KMO: variants seen among roughly 807,000 people sequenced by gnomAD.
KMO encodes kynurenine 3-hydroxylase.
In KMO, 24 loss-of-function variants were observed where a neutral mutation model predicts 57.8. The observed-to-expected ratio is 0.42, with a 90% confidence interval of 0.30 to 0.58. The LOEUF (loss-of-function observed/expected upper bound fraction) is 0.58, where lower values mean the gene tolerates loss of function less well. KMO is among the 20% of genes least tolerant of loss of function. KMO has a pLI of 0.22. For synonymous variants in KMO, 210 were observed against 193.6 expected, an observed-to-expected ratio of 1.08 and a Z score of -0.70; for missense variants, 483 against 588.2, an observed-to-expected ratio of 0.82 and a Z score of 1.85.
intron 4 of KMO, among the ~76,000 whole-genome samples, chr1:241,553,676 G>C (rs1179612678): frequency 6.6e-6 from 1 of 152,116 alleles, no homozygotes; most frequent in Non-Finnish European, 1.5e-5. Context: ...GGAACAGCAA[G>C]ACCCTGTCTC....
intron 10 of KMO, among the ~76,000 whole-genome samples, chr1:241,585,545 G>A (rs1033651307): frequency 6.6e-6 from 1 of 152,014 alleles, no homozygotes; most frequent in Non-Finnish European, 1.5e-5. Context: ...ATCACTTGAG[G>A]TCAAGAGTTT....
chr1:241,539,569 G>A (rs952826397), intron 1 of KMO, among the ~76,000 whole-genome samples: 9 of 152,190 alleles, frequency 5.9e-5, no homozygotes, highest in South Asian at 2.1e-4. Flanking sequence ...CTTCTGAAAT[G>A]ATATTGCCCC....
chr1:241,551,624 G>A (rs955829611), intron 4 of KMO, among the ~76,000 whole-genome samples: 1 of 152,220 alleles, frequency 6.6e-6, no homozygotes, highest in Non-Finnish European at 1.5e-5. Context: ...GGGGAAATAT[G>A]TATTTGTATT....
intron 1 of KMO, among the ~76,000 whole-genome samples, chr1:241,538,212 G>A (rs780091716): frequency 6.6e-6 from 1 of 152,016 alleles, no homozygotes; most frequent in Non-Finnish European, 1.5e-5. Flanking sequence ...TGGCCTTCTG[G>A]TATCAGAAAG....
At chr1:241,566,673 G>T in intron 9 of KMO, 61 bp downstream of exon 9, 1 of 1,573,350 alleles carries the variant, frequency 6.4e-7, no homozygotes. Flanking sequence ...TCAAATAAAG[G>T]TTATGCACCT....
chr1:241,538,470 G>T (rs570672956), intron 1 of KMO, among the ~76,000 whole-genome samples: 1 of 152,296 alleles, frequency 6.6e-6, no homozygotes, highest in African/African-American at 2.4e-5. Flanking sequence ...TGACATACAT[G>T]CCAGAGACGT....
chr1:241,548,143 G>A (rs989199483), intron 1 of KMO, among the ~76,000 whole-genome samples: 1 of 143,492 alleles, frequency 7.0e-6, no homozygotes, highest in African/African-American at 2.5e-5. Flanking sequence ...TAAAAAATGG[G>A]TAAATGGCGG....
intron 5 of KMO, among the ~76,000 whole-genome samples, chr1:241,558,918 G>C (rs552001654): frequency 5.3e-5 from 8 of 151,982 alleles, no homozygotes; most frequent in Non-Finnish European, 1.2e-4. Context: ...TTGGAGACCA[G>C]CCTGGTGAAC....
intron 5 of KMO, among the ~76,000 whole-genome samples, chr1:241,559,421 T>C (rs1661754841): frequency 7.0e-6 from 1 of 142,590 alleles, no homozygotes; most frequent in African/African-American, 2.6e-5. Flanking sequence ...CAAAATACTA[T>C]ATACTTATGT....
At chr1:241,560,604 T>G (rs1189656556) in intron 5 of KMO, 61 bp from the exon 6 acceptor site, 3 of 1,161,520 alleles carry the variant, frequency 2.6e-6, no homozygotes, top group African/African-American at 3.0e-5. Context: ...TATTTCAATT[T>G]GATTAAGTGA....
chr1:241,542,282 C>G (rs1660985646), intron 1 of KMO, among the ~76,000 whole-genome samples: 1 of 152,116 alleles, frequency 6.6e-6, no homozygotes, highest in South Asian at 2.1e-4. Flanking sequence ...CATACCTCAA[C>G]ATTTATAGAA....
At chr1:241,585,608 T>A (rs1157649696) in intron 10 of KMO, among the ~76,000 whole-genome samples, 1 of 151,822 alleles carries the variant, frequency 6.6e-6, no homozygotes, top group Non-Finnish European at 1.5e-5. Flanking sequence ...AATACAAAAA[T>A]TAGCTGGGCG....
intron 10 of KMO, among the ~76,000 whole-genome samples, chr1:241,580,841 T>A (rs758946266): frequency 5.1e-4 from 78 of 152,248 alleles, no homozygotes; most frequent in Non-Finnish European, 9.6e-4. Flanking sequence ...GGATAATATG[T>A]TCTGTAAATA....
chr1:241,572,900 A>G (rs2147971270), intron 10 of KMO, among the ~76,000 whole-genome samples: 1 of 152,202 alleles, frequency 6.6e-6, no homozygotes, highest in Non-Finnish European at 1.5e-5. Context: ...TTGATTTTCT[A>G]TTCTTGAGTC....
intron 1 of KMO, among the ~76,000 whole-genome samples, chr1:241,532,909 C>G (rs527385591): frequency 6.6e-6 from 1 of 152,264 alleles, no homozygotes; most frequent in African/African-American, 2.4e-5. Context: ...TTAATGCTGT[C>G]TAATGAGAAT....
intron 1 of KMO, among the ~76,000 whole-genome samples, chr1:241,532,711 T>C (rs1404140088): frequency 6.6e-6 from 1 of 152,108 alleles, no homozygotes; most frequent in Non-Finnish European, 1.5e-5. Flanking sequence ...AGGAAAGGTA[T>C]TTTATAGCCA....
intron 4 of KMO, among the ~76,000 whole-genome samples, chr1:241,554,798 C>G (rs1315670383): frequency 7.0e-6 from 1 of 143,304 alleles, no homozygotes; most frequent in African/African-American, 2.5e-5. Flanking sequence ...TGGCAAAACC[C>G]CATTTCTACT....
chr1:241,552,567 C>G (rs781348885), intron 4 of KMO, among the ~76,000 whole-genome samples: 1 of 152,142 alleles, frequency 6.6e-6, no homozygotes, highest in Non-Finnish European at 1.5e-5. Flanking sequence ...ACCCCACTCC[C>G]TCTCACCTGG....
At chr1:241,579,710 T>C (rs1242875249) in intron 10 of KMO, among the ~76,000 whole-genome samples, 2 of 152,098 alleles carry the variant, frequency 1.3e-5, no homozygotes, top group Non-Finnish European at 2.9e-5. Context: ...CCCCTCCCAG[T>C]CCACCCACAA....
Sources: gnomAD v4.1 joint callset for allele counts (sites outside exome capture counted in the v4.1 genomes callset) on GRCh38, gnomAD v4.1.1 for gene constraint, MANE v1.5 for transcripts, NCBI Gene and HGNC (gene_info 2026-07-23, HGNC 2026-07-21) for gene names.